The following ROBO1 variants were observed in gnomAD, a reference collection of about 807,000 sequenced individuals.
ROBO1 encodes the protein roundabout guidance receptor 1.
Under a neutral mutation model 195.9 loss-of-function variants are expected in ROBO1, and 149 were observed. The observed-to-expected ratio is 0.76, with a 90% CI of 0.67 to 0.87. The LOEUF is 0.87. ROBO1 is among the 40% of genes least tolerant of loss of function. ROBO1 has a pLI of 0.00. For synonymous variants in ROBO1, 816 were observed against 733.2 expected (o/e 1.11, Z -1.82); for missense variants, 1,933 against 2,068.3 (o/e 0.93, Z 1.27).
intron 2 of ROBO1, among the ~76,000 whole-genome samples, chr3:79,561,222 T>C (rs1256838110): frequency 6.6e-6 from 1 of 152,198 alleles, no homozygotes; most frequent in African/African-American, 2.4e-5. Context: ...CCTTAAGTAG[T>C]TTTGAACCAG....
intron 3 of ROBO1, chr3:79,018,524 C>G: frequency 6.2e-7 from 1 of 1,604,528 alleles, no homozygotes; most frequent in Non-Finnish European, 8.5e-7. Context: ...ATAGGGTCCC[C>G]AAATGTATGA....
At chr3:79,029,373 C>T (rs1434337593) in intron 3 of ROBO1, among the ~76,000 whole-genome samples, 2 of 152,002 alleles carry the variant, frequency 1.3e-5, no homozygotes, top group East Asian at 1.9e-4. Flanking sequence ...GTAATTTTGT[C>T]GCTTTAAAAA....
intron 1 of ROBO1, among the ~76,000 whole-genome samples, chr3:79,739,676 A>G (rs1039133238): frequency 6.6e-6 from 1 of 152,190 alleles, no homozygotes; most frequent in Non-Finnish European, 1.5e-5. Context: ...AGCTAGGGAA[A>G]AGATTACTGT....
chr3:79,479,977 T>C (rs1938751442), intron 2 of ROBO1, among the ~76,000 whole-genome samples: 1 of 152,186 alleles, frequency 6.6e-6, no homozygotes, highest in Non-Finnish European at 1.5e-5. Flanking sequence ...GCATTTACCT[T>C]AGTCATTTTG....
intron 2 of ROBO1, among the ~76,000 whole-genome samples, chr3:79,456,148 T>C (rs1216508328): frequency 2.6e-5 from 4 of 152,174 alleles, no homozygotes; most frequent in Non-Finnish European, 5.9e-5. Flanking sequence ...ACCACCTTCA[T>C]TGAAATGAGA....
In ROBO1 at chr3:78,776,441, G is replaced by A. The variant is rs142904746; in HGVS notation, c.500-29541C>T. On this transcript the variant is annotated intron_variant, in intron 4 of 30. Coordinates refer to ENST00000464233, the MANE Select transcript of ROBO1 (RefSeq NM_002941.4). ...TAATTGTGTAGTTTTAGTAGAGACG[G>A]GGTTTCGCCATGTTGGCCAGCTGGT... 5.9e-3 allele frequency among the ~76,000 whole-genome samples: 894 copies of A among 152,200 alleles called. 2 individuals carry two copies. The highest frequency in any genetic ancestry group is 0.01 in the Non-Finnish European group (701 of 68,000).
At chr3:78,835,757 A>C (rs2106670609) in intron 4 of ROBO1, among the ~76,000 whole-genome samples, 1 of 152,284 alleles carries the variant, frequency 6.6e-6, no homozygotes, top group South Asian at 2.1e-4. Context: ...ATGTAGTAAG[A>C]CCGCCAAATT....
intron 3 of ROBO1, among the ~76,000 whole-genome samples, chr3:78,982,646 C>G (rs2077021941): frequency 6.6e-6 from 1 of 151,718 alleles, no homozygotes; most frequent in African/African-American, 2.4e-5. Context: ...TTTTTTTCTT[C>G]AAGATGGAGT....
At chr3:79,444,095 G>GT (rs375859116) in intron 2 of ROBO1, among the ~76,000 whole-genome samples, 44 of 152,064 alleles carry the variant, frequency 2.9e-4, no homozygotes, top group African/African-American at 9.4e-4. Flanking sequence ...CTTGGAAGGA[G>GT]TTTTTTTAGA....
At chr3:78,884,191 C>T (rs2036360898) in intron 4 of ROBO1, among the ~76,000 whole-genome samples, 1 of 152,106 alleles carries the variant, frequency 6.6e-6, no homozygotes, top group Admixed American at 6.6e-5. Context: ...TGAAGAATCA[C>T]TATAGGATTA....
chr3:79,313,789 G>T (rs1034443407), intron 2 of ROBO1, among the ~76,000 whole-genome samples: 1 of 152,028 alleles, frequency 6.6e-6, no homozygotes, highest in Non-Finnish European at 1.5e-5. Context: ...CACAGTTAAA[G>T]GTAAACAGAT....
chr3:79,165,372 G>T (rs2081045519), intron 2 of ROBO1, among the ~76,000 whole-genome samples: 1 of 152,160 alleles, frequency 6.6e-6, no homozygotes, highest in African/African-American at 2.4e-5. Context: ...ATTTTGCAAG[G>T]TTGAGTTCTT....
chr3:78,958,619 A>T (rs1440109983), intron 3 of ROBO1, among the ~76,000 whole-genome samples: 1 of 151,294 alleles, frequency 6.6e-6, no homozygotes, highest in African/African-American at 2.5e-5. Flanking sequence ...ATATTAAAAA[A>T]ATCCACGATT....
Position 79,048,253 on chromosome 3 carries a change from C to T in ROBO1, c.172+77203G>A, listed in dbSNP as rs571074642. On this transcript the variant is annotated intron_variant, in intron 3 of 30. Transcript: ENST00000464233. ...AAACTGTGCTGCTCACCATGCCATC[C>T]CCATCCCGTGGCAGTCATCTACTGA... Among the ~76,000 whole-genome samples the T allele has an allele frequency of 9.9e-5, 15 of 152,208 alleles. No homozygotes were observed. In the South Asian group the frequency reaches 2.3e-3, roughly 23 times the overall value.
At chr3:79,658,157 G>A (rs1160833795) in intron 1 of ROBO1, among the ~76,000 whole-genome samples, 3 of 152,086 alleles carry the variant, frequency 2.0e-5, no homozygotes, top group Non-Finnish European at 4.4e-5. Flanking sequence ...ATAATGTTTA[G>A]TTCATATTTG....
At chr3:79,271,861 A>G (rs2030591353) in intron 2 of ROBO1, among the ~76,000 whole-genome samples, 1 of 152,080 alleles carries the variant, frequency 6.6e-6, no homozygotes, top group South Asian at 2.1e-4. Flanking sequence ...TGAGCCCTTC[A>G]TTATTGACCT....
intron 4 of ROBO1, among the ~76,000 whole-genome samples, chr3:78,754,736 T>C (rs930301547): frequency 6.6e-6 from 1 of 152,166 alleles, no homozygotes; most frequent in Admixed American, 6.6e-5. Context: ...CACATACATA[T>C]ACAACTATAA....
chr3:79,416,682 C>G (rs559453779), intron 2 of ROBO1, among the ~76,000 whole-genome samples: 5 of 151,682 alleles, frequency 3.3e-5, no homozygotes, highest in South Asian at 2.1e-4. Context: ...CTTGGTGTTG[C>G]TTTGGTTGGA....
intron 1 of ROBO1, among the ~76,000 whole-genome samples, chr3:79,731,268 A>G (rs534601674): frequency 1.3e-5 from 2 of 152,294 alleles, no homozygotes; most frequent in Admixed American, 1.3e-4. Context: ...GATGCTTAGA[A>G]AGACACAAGA....
Sources: allele counts gnomAD v4.1 joint callset (sites outside exome capture counted in the v4.1 genomes callset), GRCh38; gene constraint gnomAD v4.1.1; transcripts MANE v1.5; gene names NCBI Gene and HGNC (gene_info 2026-07-23, HGNC 2026-07-21).